PCDH15: variants seen among roughly 807,000 people sequenced by gnomAD.
PCDH15 encodes the protein protocadherin-15.
In PCDH15, 129 loss-of-function variants were observed where a neutral mutation model predicts 178.5. The observed-to-expected ratio is 0.72, with a 90% CI of 0.63 to 0.84. PCDH15 has a LOEUF of 0.84. PCDH15 is among the 40% of genes least tolerant of loss of function. PCDH15 has a pLI of 0.00. For synonymous variants in PCDH15, 800 were observed against 732.0 expected (o/e 1.09, Z -1.50); for missense variants, 2,230 against 2,099.9 (o/e 1.06, Z -1.21).
rs1841684771 is a variant in PCDH15, at chr10:55,538,896, T to TTCCTTCCTCCTC, written c.-156+88728_-156+88729insGAGGAGGAAGGA. On this transcript the variant is annotated intron_variant, in intron 2 of 5. Transcript: ENST00000613346. The stretch of plus-strand genomic sequence containing the variant: ...TTCCTTCCTCCCTTCCTTCCTTTCC[T>TTCCTTCCTCCTC]TCCTTCCTTCCTCCTTTCCTTCCTT... Among the ~76,000 whole-genome samples the TTCCTTCCTCCTC allele has an allele frequency of 8.0e-5, 6 of 75,344 alleles. 2 individuals are homozygous for TTCCTTCCTCCTC. The highest frequency in any genetic ancestry group is 1.3e-4 in the Non-Finnish European group (5 of 38,426). The allele number at this position is 75,344 out of a possible 152,430, so 49.4% of individuals were successfully genotyped here.
intron 2 of PCDH15, among the ~76,000 whole-genome samples, chr10:55,411,996 A>G (rs1269165207): frequency 2.0e-5 from 3 of 152,132 alleles, no homozygotes; most frequent in Non-Finnish European, 4.4e-5. Flanking sequence ...ATTTAGAAAT[A>G]TAGAAAACAT....
intron 2 of PCDH15, among the ~76,000 whole-genome samples, chr10:55,621,187 A>G (rs776409946): frequency 6.6e-6 from 1 of 152,204 alleles, no homozygotes; most frequent in African/African-American, 2.4e-5. Context: ...AATTTAACTT[A>G]TATGTTTTAG....
chr10:54,456,833 C>T (rs1283953600), intron 3 of PCDH15, among the ~76,000 whole-genome samples: 2 of 152,070 alleles, frequency 1.3e-5, no homozygotes, highest in Admixed American at 1.3e-4. Context: ...AGTGAGTTCT[C>T]ACCAGATATA....
At position 54,007,176 on chromosome 10, in the gene PCDH15, G is replaced by A. The variant is rs370739671; in HGVS notation, c.2752-11411C>T. ...TGTATTTTCTATATTATGTTACAACGCAGACTCTAAGACCAGGTTTCTATT... is the reference window on the plus strand; with the variant it reads ...TGTATTTTCTATATTATGTTACAACACAGACTCTAAGACCAGGTTTCTATT... On this transcript the variant is annotated intron_variant, in intron 20 of 37. Coordinates refer to ENST00000644397, the MANE Select transcript of PCDH15 (RefSeq NM_001384140.1). Among the ~76,000 whole-genome samples the A allele has an allele frequency of 3.3e-5, 5 of 151,994 alleles. No individual in the cohort carries two copies. In the South Asian group the frequency reaches 8.3e-4, roughly 25 times the overall value.
rs560337788 is a variant in PCDH15, at chr10:54,129,013, T to A, written c.1917+3862A>T. On this transcript the variant is annotated intron_variant, in intron 15 of 37. Transcript: ENST00000644397. ...TACAGCCTAATCTAAAAGAATGTGA[T>A]GTAATGGATAGAGCACTGATTTATT... Among the ~76,000 whole-genome samples the A allele has an allele frequency of 2.0e-5, 3 of 152,262 alleles. No individual in the cohort carries two copies. The East Asian group carries it at 5.8e-4, about 29-fold the overall frequency.
intron 26 of PCDH15, among the ~76,000 whole-genome samples, chr10:53,886,002 G>A (rs1172126241): frequency 6.6e-6 from 1 of 152,134 alleles, no homozygotes; most frequent in East Asian, 1.9e-4. Context: ...AAATGGCTGT[G>A]TGTTCAATAA....
chr10:53,907,273 C>T (rs1396224107), intron 25 of PCDH15: 1 of 152,002 alleles, frequency 6.6e-6, no homozygotes, highest in Non-Finnish European at 1.5e-5. Flanking sequence ...TGAGTACTTA[C>T]AAAAACTTTT....
intron 2 of PCDH15, among the ~76,000 whole-genome samples, chr10:55,420,575 T>C (rs1023269581): frequency 2.6e-5 from 4 of 151,802 alleles, no homozygotes; most frequent in Admixed American, 6.6e-5. Flanking sequence ...TTTTGCTTTG[T>C]CTTATTTTGT....
At chr10:55,003,114 T>A (rs559853484) in intron 2 of PCDH15, among the ~76,000 whole-genome samples, 1 of 152,182 alleles carries the variant, frequency 6.6e-6, no homozygotes, top group Non-Finnish European at 1.5e-5. Flanking sequence ...CTAAATTTTT[T>A]ATATGCCACA....
At chr10:54,485,373 C>T (rs1303865522) in intron 3 of PCDH15, among the ~76,000 whole-genome samples, 1 of 151,888 alleles carries the variant, frequency 6.6e-6, no homozygotes, top group Non-Finnish European at 1.5e-5. Context: ...AGCCTCTTTT[C>T]CTTTTGTAAG....
At chr10:55,412,386 C>T (rs543794107) in intron 2 of PCDH15, among the ~76,000 whole-genome samples, 2 of 151,894 alleles carry the variant, frequency 1.3e-5, no homozygotes, top group Admixed American at 6.6e-5. Flanking sequence ...AGTTAACAGG[C>T]CTTAGAAACT....
chr10:54,520,476 C>T (rs577783010), intron 3 of PCDH15, among the ~76,000 whole-genome samples: 1 of 152,150 alleles, frequency 6.6e-6, no homozygotes, highest in Non-Finnish European at 1.5e-5. Flanking sequence ...CTCATCATCA[C>T]TGGCCATCAG....
intron 2 of PCDH15, among the ~76,000 whole-genome samples, chr10:54,941,304 C>CT (rs1193941034): frequency 6.6e-6 from 1 of 152,020 alleles, no homozygotes; most frequent in Non-Finnish European, 1.5e-5. Context: ...TTCTACCCCT[C>CT]TTTTTTGTGC....
intron 3 of PCDH15, among the ~76,000 whole-genome samples, chr10:54,451,414 G>T (rs757627707): frequency 1.5e-3 from 224 of 152,024 alleles, no homozygotes; most frequent in Non-Finnish European, 2.3e-3. Flanking sequence ...CTGAACAACA[G>T]ATGTTTCTGC....
At chr10:54,600,313 G>A in intron 2 of PCDH15, 1 of 541,186 alleles carries the variant, frequency 1.8e-6, no homozygotes, top group Non-Finnish European at 3.6e-6. Flanking sequence ...AGATTCCAAG[G>A]AATCCAGGAA....
intron 3 of PCDH15, among the ~76,000 whole-genome samples, chr10:54,523,275 A>G (rs1239211990): frequency 6.6e-6 from 1 of 152,200 alleles, no homozygotes; most frequent in Non-Finnish European, 1.5e-5. Flanking sequence ...ATATATTAGT[A>G]TATATCTACA....
At chr10:54,406,628 T>C (rs1207228473) in intron 3 of PCDH15, among the ~76,000 whole-genome samples, 1 of 152,240 alleles carries the variant, frequency 6.6e-6, no homozygotes, top group Admixed American at 6.6e-5. Flanking sequence ...CAGTAGCCTT[T>C]CCACTAACAC....
intron 3 of PCDH15, among the ~76,000 whole-genome samples, chr10:54,473,888 A>C (rs971663598): frequency 6.6e-6 from 1 of 151,842 alleles, no homozygotes; most frequent in African/African-American, 2.4e-5. Context: ...AGATTTTCTA[A>C]AGTATTATAT....
intron 1 of PCDH15, among the ~76,000 whole-genome samples, chr10:54,680,652 C>A (rs191590410): frequency 6.6e-6 from 1 of 152,194 alleles, no homozygotes; most frequent in Non-Finnish European, 1.5e-5. Flanking sequence ...TTCCCCCATA[C>A]TGTTCTTGTG....
Sources: gnomAD v4.1 joint callset for allele counts (sites outside exome capture counted in the v4.1 genomes callset) on GRCh38, gnomAD v4.1.1 for gene constraint, MANE v1.5 for transcripts, NCBI Gene and HGNC (gene_info 2026-07-23, HGNC 2026-07-21) for gene names.